The following DOCK7 variants were observed in gnomAD, a reference collection of about 807,000 sequenced individuals.
The protein encoded by DOCK7 is dedicator of cytokinesis 7.
In DOCK7, 138 loss-of-function variants were observed where a neutral mutation model predicts 271.0. The ratio of observed to expected loss-of-function variants is 0.51; its 90% CI spans 0.44 to 0.59. The LOEUF is 0.59. Among genes scored for constraint, DOCK7 ranks in the 20% least tolerant of loss-of-function variants. DOCK7 has a pLI of 0.00. For synonymous variants in DOCK7, 823 were observed against 876.1 expected (o/e 0.94, Z 1.07); for missense variants, 2,066 against 2,592.4 (o/e 0.80, Z 4.41).
chr1:62,467,508 T>A (rs1291747144), intron 48 of DOCK7, among the ~76,000 whole-genome samples: 1 of 152,218 alleles, frequency 6.6e-6, no homozygotes, highest in Non-Finnish European at 1.5e-5. Context: ...GCTTCTGACT[T>A]CTTTTACAAT....
At chr1:62,489,814 A>G (rs895865823) in intron 41 of DOCK7, among the ~76,000 whole-genome samples, 5 of 152,186 alleles carry the variant, frequency 3.3e-5, no homozygotes, top group African/African-American at 4.8e-5. Flanking sequence ...CAGATACCCA[A>G]TTCTCCTATA....
chr1:62,669,869 G>A (rs1415460934), intron 1 of DOCK7, among the ~76,000 whole-genome samples: 1 of 152,210 alleles, frequency 6.6e-6, no homozygotes, highest in Admixed American at 6.5e-5. Flanking sequence ...CACTCCCTCA[G>A]CTTGCAGGGA....
chr1:62,474,480 C>T (rs1645916109), intron 47 of DOCK7, among the ~76,000 whole-genome samples: 2 of 152,160 alleles, frequency 1.3e-5, no homozygotes, highest in Non-Finnish European at 2.9e-5. Flanking sequence ...CCTCAGTATT[C>T]CAAAGGTATT....
chr1:62,639,939 A>T (rs1378736557), intron 7 of DOCK7, among the ~76,000 whole-genome samples: 1 of 151,792 alleles, frequency 6.6e-6, no homozygotes, highest in East Asian at 1.9e-4. Flanking sequence ...GATTCAGTAC[A>T]CAATTTGAGC....
At chr1:62,461,566 C>G (rs1236036733) in intron 48 of DOCK7, among the ~76,000 whole-genome samples, 2 of 151,598 alleles carry the variant, frequency 1.3e-5, no homozygotes, top group Non-Finnish European at 2.9e-5. Context: ...ACTTGGGAGG[C>G]TGAGGCAGGA....
intron 1 of DOCK7, among the ~76,000 whole-genome samples, chr1:62,681,172 T>C (rs1291125582): frequency 6.6e-6 from 1 of 151,352 alleles, no homozygotes; most frequent in African/African-American, 2.4e-5. Flanking sequence ...GAAGAAAATG[T>C]GGCACATATA....
chr1:62,613,125 A>C (rs1008598990), intron 14 of DOCK7, among the ~76,000 whole-genome samples: 4 of 152,232 alleles, frequency 2.6e-5, no homozygotes, highest in African/African-American at 9.6e-5. Flanking sequence ...TCAAATATCC[A>C]ATAAAAGATT....
At position 62,664,561 on chromosome 1, in the gene DOCK7, CA is replaced by C. The variant is rs546255875; in HGVS notation, c.39-1432del. Reference sequence around the variant, plus strand: ...GGATATATCTTTATTAGCAGCATGACAAAAAAACTCCTACACGGGATGTTTC... The same window carrying C: ...GGATATATCTTTATTAGCAGCATGACAAAAAACTCCTACACGGGATGTTTC... On this transcript the variant is annotated intron_variant, in intron 1 of 49. Coordinates refer to ENST00000635253, the MANE Select transcript of DOCK7 (RefSeq NM_001367561.1). 1.8e-3 allele frequency among the ~76,000 whole-genome samples: 280 copies of C among 151,836 alleles called. 1 individual carries two copies. Among genetic ancestry groups the C allele is most frequent in the African/African-American group, 6.6e-3 (272 of 41,424 alleles).
intron 14 of DOCK7, chr1:62,598,727 A>G (rs759356440): frequency 6.2e-7 from 1 of 1,611,258 alleles, no homozygotes; most frequent in South Asian, 1.1e-5. Flanking sequence ...AATAGCATCA[A>G]AGACCTTCTC....
At position 62,539,754 on chromosome 1, in the gene DOCK7, T is replaced by C. The variant is rs369539332; in HGVS notation, c.3184A>G (p.Lys1062Glu). ...AGTGGGGAAAAAGTTATCATTACCT[T>C]CTGAAATCGTGAAACTATATCACTA... ...IASDIVSRFQKDTEMVERLNT... is the reference protein window; with the variant it reads ...IASDIVSRFQEDTEMVERLNT... Residue 1062 changes from lysine to glutamate, a missense_variant and splice_region_variant, in exon 26 of 50, where the codon AAG (lysine) becomes GAG (glutamate). Transcript: ENST00000635253. 1.7e-5 allele frequency: 28 copies of C among 1,612,764 alleles called. No homozygotes were observed. The highest frequency in any genetic ancestry group is 2.2e-5 in the Non-Finnish European group (26 of 1,179,640).
In DOCK7 at chr1:62,577,339, G is replaced by T. The variant is rs759877282; in HGVS notation, c.2035C>A (p.Arg679=). 3 of 1,585,034 alleles carry T rather than the reference G, an allele frequency of 1.9e-6. No homozygotes were observed. The highest frequency in any genetic ancestry group is 1.7e-5 in the Admixed American group (1 of 59,236). Residue 679 remains arginine, a synonymous_variant, in exon 18 of 50, where the codon CGG becomes AGG. Coordinates refer to ENST00000635253, the MANE Select transcript of DOCK7 (RefSeq NM_001367561.1). The part of the protein sequence containing the change: ...YTWIPMLQNG[R]LKTGQFCLPV... ...AAGCAAAACTGGCCAGTCTTCAACC[G>T]TCCATTCTGAAGCATTGGTATCCAC... is the stretch of plus-strand genomic sequence containing the variant.
chr1:62,526,484 C>T (rs773137884), intron 31 of DOCK7, among the ~76,000 whole-genome samples: 4 of 150,936 alleles, frequency 2.7e-5, no homozygotes, highest in Non-Finnish European at 5.9e-5. Context: ...AAAAACAGTA[C>T]AGCCACATTA....
chr1:62,499,591 C>G (rs1415324130), intron 37 of DOCK7, among the ~76,000 whole-genome samples: 1 of 152,024 alleles, frequency 6.6e-6, no homozygotes, highest in African/African-American at 2.4e-5. Flanking sequence ...AGAAACTTAG[C>G]CCGGTGTGAT....
intron 7 of DOCK7, among the ~76,000 whole-genome samples, chr1:62,647,289 A>T (rs943291236): frequency 1.3e-5 from 2 of 152,202 alleles, no homozygotes; most frequent in African/African-American, 4.8e-5. Context: ...ACGTATTTCA[A>T]AATCTTCAAA....
chr1:62,662,386 A>C (rs948492211), intron 2 of DOCK7, among the ~76,000 whole-genome samples: 14 of 151,926 alleles, frequency 9.2e-5, no homozygotes, highest in Non-Finnish European at 2.1e-4. Flanking sequence ...GACAGATAAT[A>C]CTACAAACCC....
chr1:62,510,699 T>A, intron 33 of DOCK7, 26 bp from the exon 34 acceptor site: 1 of 1,571,158 alleles, frequency 6.4e-7, no homozygotes, highest in South Asian at 1.1e-5. Flanking sequence ...CAAAACCAAT[T>A]TTCAAATGTT....
rs1378829437 is a variant in DOCK7 at position 62,473,105 on chromosome 1, AGCAAATCACT to A, written c.6212+867_6212+876del. 2.0e-5 allele frequency among the ~76,000 whole-genome samples: 3 copies of A among 152,294 alleles called. No individual in the cohort carries two copies. The East Asian group carries it at 5.8e-4, about 29-fold the overall frequency. ...TATGCTGAGTCCTGTGAGTCCTCCT[AGCAAATCACT>A]GAAATTGGGGATAGTCTTGGGGATG... is the stretch of plus-strand genomic sequence containing the variant. On this transcript the variant is annotated intron_variant, in intron 48 of 49. Transcript: ENST00000635253.
intron 7 of DOCK7, chr1:62,641,531 T>C (rs1571874614): frequency 1.7e-5 from 8 of 460,948 alleles, no homozygotes; most frequent in East Asian, 6.7e-5. Context: ...TCAGAAAGGA[T>C]TGGTGTTCAT....
intron 37 of DOCK7, among the ~76,000 whole-genome samples, chr1:62,501,353 C>T (rs1232067097): frequency 1.3e-5 from 2 of 152,012 alleles, no homozygotes; most frequent in African/African-American, 4.8e-5. Flanking sequence ...CTAAGAAAAA[C>T]ACTAGGAGGG....
Sources: allele counts gnomAD v4.1 joint callset (sites outside exome capture counted in the v4.1 genomes callset), GRCh38; gene constraint gnomAD v4.1.1; transcripts MANE v1.5; gene names NCBI Gene and HGNC (gene_info 2026-07-23, HGNC 2026-07-21).